Variants in AGAP1 observed in about 807,000 individuals in gnomAD.
AGAP1 encodes the protein arf-GAP with GTPase, ANK repeat and PH domain-containing protein 1.
Under a neutral mutation model 105.3 loss-of-function variants are expected in AGAP1, and 29 were observed. The observed-to-expected ratio is 0.28, with a 90% CI of 0.21 to 0.38. The LOEUF (loss-of-function observed/expected upper bound fraction) is 0.38, where lower values mean the gene tolerates loss of function less well. AGAP1 is among the 10% of genes least tolerant of loss of function. The probability of loss-of-function intolerance (pLI) is 1.00; values close to 1 mark genes in which losing one functional copy is unlikely to be tolerated. For missense variants in AGAP1, 998 were observed against 1,165.1 expected (o/e 0.86, Z 2.09); for synonymous variants, 509 against 485.9 (o/e 1.05, Z -0.63).
rs951044597 is a variant in AGAP1 at position 235,733,371 on chromosome 2, GTGT to G, written c.311-7586_311-7584del. The stretch of plus-strand genomic sequence containing the variant: ...GCGCACTTTGGGGTGAAGTGATGGG[GTGT>G]TGTTGGCTCAGGTTGTAGGAGAGAT... On this transcript the variant is annotated intron_variant, in intron 3 of 17. Transcript: ENST00000304032. The surrounding 1 kb of genome is among the most constrained non-coding windows in gnomAD (Gnocchi z 5.0). Among the ~76,000 whole-genome samples the G allele has an allele frequency of 5.9e-5, 9 of 152,196 alleles. No individual in the cohort carries two copies. The highest frequency in any genetic ancestry group is 1.7e-4 in the African/African-American group (7 of 41,454).
chr2:235,711,577 T>C (rs1488712037), intron 2 of AGAP1, among the ~76,000 whole-genome samples: 3 of 152,222 alleles, frequency 2.0e-5, no homozygotes, highest in Non-Finnish European at 4.4e-5. Flanking sequence ...TCTACAGTTC[T>C]CAGAACGGTC....
At chr2:235,746,780 A>G (rs1952986259) in intron 5 of AGAP1, among the ~76,000 whole-genome samples, 1 of 151,892 alleles carries the variant, frequency 6.6e-6, no homozygotes, top group South Asian at 2.1e-4. Flanking sequence ...AGGCTGCTGG[A>G]GCTCAGGAGG....
rs1470982999 is a variant in AGAP1, at chr2:236,101,043, C to G, written c.2115-19149C>G. 6.6e-6 allele frequency among the ~76,000 whole-genome samples: 1 copy of G among 152,094 alleles called. No homozygotes were observed. Among genetic ancestry groups the G allele is most frequent in the East Asian group, 1.9e-4 (1 of 5,166 alleles). On this transcript the variant is annotated intron_variant, in intron 16 of 17. Coordinates refer to ENST00000304032, the MANE Select transcript of AGAP1 (RefSeq NM_001037131.3). The surrounding 1 kb of genome is among the most constrained non-coding windows in gnomAD (Gnocchi z 4.9). Reference sequence around the variant, plus strand: ...CTAGGCTGACACAGGGGTCCGCAGACCCAGGCCCCTCATTCCATCAGTTTC... The same window carrying G: ...CTAGGCTGACACAGGGGTCCGCAGAGCCAGGCCCCTCATTCCATCAGTTTC...
Position 235,777,518 on chromosome 2 carries a change from C to A in AGAP1, c.674-20241C>A, listed in dbSNP as rs906356463. On this transcript the variant is annotated intron_variant, in intron 6 of 17. Transcript: ENST00000304032. This position sits in a 1 kb window ranked among gnomAD's most constrained non-coding sequence, Gnocchi z 5.1. ...TGCGTCTGCCTCTGGGAGCAGAAAC[C>A]GTTGTTTCACCAGCAAATTACGCTG... Among the ~76,000 whole-genome samples the A allele has an allele frequency of 1.4e-4, 22 of 152,202 alleles. No individual in the cohort carries two copies. Among genetic ancestry groups the A allele is most frequent in the Non-Finnish European group, 3.1e-4 (21 of 68,042 alleles).
Position 235,904,560 on chromosome 2 carries a change from G to C in AGAP1, c.1156-4178G>C, listed in dbSNP as rs537782239. Among the ~76,000 whole-genome samples, 1 of 151,998 alleles carries C rather than the reference G, an allele frequency of 6.6e-6. No individual in the cohort carries two copies. The highest frequency in any genetic ancestry group is 1.5e-5 in the Non-Finnish European group (1 of 68,020). On this transcript the variant is annotated intron_variant, in intron 10 of 17. Transcript: ENST00000304032. The surrounding 1 kb of genome is among the most constrained non-coding windows in gnomAD (Gnocchi z 4.2). ...AAAGGGTTTTTCCTCTTTTATCTTC[G>C]ATCAGCATTTTCAACAAGGAACATG...
At chr2:235,903,727 T>A (rs1279587887) in intron 10 of AGAP1, among the ~76,000 whole-genome samples, 1 of 151,998 alleles carries the variant, frequency 6.6e-6, no homozygotes, top group Non-Finnish European at 1.5e-5. Context: ...CTTTGTAGTT[T>A]TGGGGAGAAT....
rs189555662 is a variant in AGAP1, at chr2:235,567,807, G to A, written c.163+72958G>A. 1.5e-4 allele frequency among the ~76,000 whole-genome samples: 23 copies of A among 152,126 alleles called. No individual in the cohort carries two copies. In the East Asian group the frequency reaches 3.1e-3, roughly 21 times the overall value. On this transcript the variant is annotated intron_variant, in intron 1 of 17. Transcript: ENST00000304032. Reference sequence around the variant, plus strand: ...TGAGGAAGCCAAGGGGTCTGGGCCTGTAGGGGAAGTGGGAGAGGAGAGAGG... The same window carrying A: ...TGAGGAAGCCAAGGGGTCTGGGCCTATAGGGGAAGTGGGAGAGGAGAGAGG...
chr2:236,038,791 A>G lies in AGAP1; in HGVS notation c.1801-1960A>G, dbSNP rs1383635890. Among the ~76,000 whole-genome samples, 1 of 148,344 alleles carries G rather than the reference A, an allele frequency of 6.7e-6. No individual in the cohort carries two copies. Among genetic ancestry groups the G allele is most frequent in the Non-Finnish European group, 1.5e-5 (1 of 67,652 alleles). On this transcript the variant is annotated intron_variant, in intron 14 of 17. Coordinates refer to ENST00000304032, the MANE Select transcript of AGAP1 (RefSeq NM_001037131.3). The surrounding 1 kb of genome is among the most constrained non-coding windows in gnomAD (Gnocchi z 4.5). ...CCAACCACAGAAATGATACAGGTAC[A>G]CAGAGAGACAGAGGCACATCCCTTT...
At chr2:235,813,758 G>A (rs888806687) in intron 9 of AGAP1, among the ~76,000 whole-genome samples, 2 of 152,238 alleles carry the variant, frequency 1.3e-5, no homozygotes, top group Non-Finnish European at 2.9e-5. Context: ...AAGGACAGAG[G>A]GTTTCTGTAT....
rs1952518104 is a variant in AGAP1, at chr2:235,740,496, C to G, written c.311-467C>G. 6.6e-6 allele frequency among the ~76,000 whole-genome samples: 1 copy of G among 152,198 alleles called. No homozygotes were observed. On this transcript the variant is annotated intron_variant, in intron 3 of 17. Coordinates refer to ENST00000304032, the MANE Select transcript of AGAP1 (RefSeq NM_001037131.3). The surrounding 1 kb of genome is among the most constrained non-coding windows in gnomAD (Gnocchi z 5.7). ...ACCATTCTCATGATGTTCTATGTCT[C>G]CCTTTCAAGAACTGGGTTTCTCTTG...
At chr2:236,059,657 G>C (rs2058137852) in intron 16 of AGAP1, among the ~76,000 whole-genome samples, 1 of 152,162 alleles carries the variant, frequency 6.6e-6, no homozygotes, top group Admixed American at 6.5e-5. Flanking sequence ...GTCCAGAAAT[G>C]AGCCCCTTCA....
At chr2:235,647,226 C>A (rs1947422417) in intron 1 of AGAP1, among the ~76,000 whole-genome samples, 1 of 152,068 alleles carries the variant, frequency 6.6e-6, no homozygotes, top group Non-Finnish European at 1.5e-5. Context: ...CTGGTCACAA[C>A]TGCATGCAAC....
At chr2:235,795,538 GT>G (rs1165126149) in intron 6 of AGAP1, among the ~76,000 whole-genome samples, 26 of 152,150 alleles carry the variant, frequency 1.7e-4, no homozygotes, top group Admixed American at 1.7e-3. Context: ...GGGTTACCCT[GT>G]AGTTTTAAAG....
At chr2:235,697,902 A>G (rs986967994) in intron 1 of AGAP1, among the ~76,000 whole-genome samples, 7 of 152,178 alleles carry the variant, frequency 4.6e-5, no homozygotes, top group African/African-American at 1.7e-4. Context: ...GTGTCTATCA[A>G]CTTGTCTTAA....
intron 9 of AGAP1, among the ~76,000 whole-genome samples, chr2:235,838,389 A>G (rs1960416356): frequency 6.6e-6 from 1 of 152,230 alleles, no homozygotes; most frequent in Non-Finnish European, 1.5e-5. Flanking sequence ...TTTCTGTAAC[A>G]TTTCATATGG....
In AGAP1 at chr2:235,582,497, C is replaced by G. The variant is rs951905086; in HGVS notation, c.163+87648C>G. On this transcript the variant is annotated intron_variant, in intron 1 of 17. Coordinates refer to ENST00000304032, the MANE Select transcript of AGAP1 (RefSeq NM_001037131.3). This position sits in a 1 kb window ranked among gnomAD's most constrained non-coding sequence, Gnocchi z 4.7. The stretch of plus-strand genomic sequence containing the variant: ...TTGATGAAGCCCTCTTGAGTCAGAT[C>G]GTGGGGTTGGTTGGTCATGCGTGTA... Among the ~76,000 whole-genome samples, 1 of 152,060 alleles carries G rather than the reference C, an allele frequency of 6.6e-6. No individual in the cohort carries two copies.
rs113855032 is a variant in AGAP1, at chr2:235,558,400, G to A, written c.163+63551G>A. ...GTCTCCCAGCATCTCTGGGAGATATGTGTATGATTGATTCCAAGAATAAAG... is the reference window on the plus strand; with the variant it reads ...GTCTCCCAGCATCTCTGGGAGATATATGTATGATTGATTCCAAGAATAAAG... On this transcript the variant is annotated intron_variant, in intron 1 of 17. Coordinates refer to ENST00000304032, the MANE Select transcript of AGAP1 (RefSeq NM_001037131.3). 3.7e-4 allele frequency among the ~76,000 whole-genome samples: 57 copies of A among 152,236 alleles called. 1 individual carries two copies. Among genetic ancestry groups the A allele is most frequent in the African/African-American group, 1.3e-3 (55 of 41,532 alleles).
chr2:235,900,028 G>A lies in AGAP1; in HGVS notation c.1156-8710G>A, dbSNP rs184966904. On this transcript the variant is annotated intron_variant, in intron 10 of 17. Transcript: ENST00000304032. The surrounding 1 kb of genome is among the most constrained non-coding windows in gnomAD (Gnocchi z 5.5). ...TTTGGACTGGTGGACTTGAGCCCAC[G>A]CATGTTGGACACTGGCCTCCGCAGC... Among the ~76,000 whole-genome samples the A allele has an allele frequency of 7.9e-5, 12 of 152,278 alleles. No homozygotes were observed. In the East Asian group the frequency reaches 2.1e-3, roughly 27 times the overall value.
At chr2:235,800,763 T>A (rs1354729621) in intron 8 of AGAP1, among the ~76,000 whole-genome samples, 2 of 152,130 alleles carry the variant, frequency 1.3e-5, no homozygotes, top group Non-Finnish European at 2.9e-5. Flanking sequence ...TCTGCAGACG[T>A]CTAGTCGTGG....
Sources: gnomAD v4.1 joint callset for allele counts (sites outside exome capture counted in the v4.1 genomes callset) on GRCh38, gnomAD v4.1.1 for gene constraint, Gnocchi (gnomAD v3.1) non-coding constraint, MANE v1.5 for transcripts, NCBI Gene and HGNC (gene_info 2026-07-23, HGNC 2026-07-21) for gene names.